Variants in AGBL2 observed in about 807,000 individuals in gnomAD.
AGBL2 encodes the protein AGBL carboxypeptidase 2.
In AGBL2, 87 loss-of-function variants were observed where a neutral mutation model predicts 103.0. That is an observed-to-expected ratio of 0.84 (90% CI 0.71 to 1.01). The LOEUF (loss-of-function observed/expected upper bound fraction) is 1.01. Among genes scored for constraint, AGBL2 ranks in the 50% least tolerant of loss-of-function variants. The pLI is 0.00. For synonymous variants in AGBL2, 335 were observed against 356.7 expected (o/e 0.94, Z 0.69); for missense variants, 904 against 1,023.5 (o/e 0.88, Z 1.59).
Position 47,672,594 on chromosome 11 carries a change from C to T in AGBL2, c.2148-3687G>A, listed in dbSNP as rs185620935. Among the ~76,000 whole-genome samples, 19 of 152,234 alleles carry T rather than the reference C, an allele frequency of 1.2e-4. No individual in the cohort carries two copies. The East Asian group carries it at 1.5e-3, about 12-fold the overall frequency. ...CCTCCCAAAGTGCTAAGACTACAGGCGTGAGCCACTGCATCCAGCCGGCAT... is the reference window on the plus strand; with the variant it reads ...CCTCCCAAAGTGCTAAGACTACAGGTGTGAGCCACTGCATCCAGCCGGCAT... On this transcript the variant is annotated intron_variant, in intron 14 of 18. Transcript: ENST00000525123.
chr11:47,705,987 C>G, intron 4 of AGBL2, 70 bp from the exon 5 acceptor site: 1 of 1,288,446 alleles, frequency 7.8e-7, no homozygotes, highest in East Asian at 2.3e-5. Context: ...TCTGCTATCC[C>G]CATCCCTTCT....
At chr11:47,668,746 G>T in intron 15 of AGBL2, 95 bp downstream of exon 15, 1 of 925,246 alleles carries the variant, frequency 1.1e-6, no homozygotes, top group Non-Finnish European at 1.8e-6. Flanking sequence ...TTTTCTGCAG[G>T]TCTTAGGACT....
intron 18 of AGBL2, among the ~76,000 whole-genome samples, chr11:47,662,643 C>T (rs1254335952): frequency 6.6e-6 from 1 of 152,006 alleles, no homozygotes; most frequent in South Asian, 2.1e-4. Context: ...CAGGCACACA[C>T]CACCATGCCC....
rs776094656 is a variant in AGBL2, at chr11:47,682,997, G to GAAGGA, written c.1789-907_1789-903dup. On this transcript the variant is annotated intron_variant, in intron 11 of 18. Transcript: ENST00000525123. ...AGAGAAGGAAAAGAAGGAAAGAAAA[G>GAAGGA]AAGGAAAGGAAAGGAAAAGAAAGAA... 3.9e-4 allele frequency among the ~76,000 whole-genome samples: 59 copies of GAAGGA among 150,398 alleles called. 1 individual carries two copies. Among genetic ancestry groups the GAAGGA allele is most frequent in the Non-Finnish European group, 5.5e-4 (37 of 67,552 alleles).
intron 4 of AGBL2, among the ~76,000 whole-genome samples, chr11:47,708,353 C>A (rs1399135678): frequency 6.6e-6 from 1 of 150,754 alleles, no homozygotes; most frequent in Non-Finnish European, 1.5e-5. Context: ...CAGGCATGAG[C>A]CACTGTGCCC....
chr11:47,700,426 A>G (rs1157017685), intron 7 of AGBL2, among the ~76,000 whole-genome samples: 1 of 151,940 alleles, frequency 6.6e-6, no homozygotes, highest in Non-Finnish European at 1.5e-5. Flanking sequence ...TAAAAATACA[A>G]AAATTAGCCG....
chr11:47,702,237 TC>T (rs570318032), intron 7 of AGBL2, among the ~76,000 whole-genome samples: 287 of 152,352 alleles, frequency 1.9e-3, no homozygotes, highest in Middle Eastern at 0.014. Flanking sequence ...TGCTCAATGT[TC>T]TATGGTTGCC....
chr11:47,705,342 G>C (rs2097513817), intron 6 of AGBL2, 179 bp downstream of exon 6: 1 of 156,052 alleles, frequency 6.4e-6, no homozygotes, highest in African/African-American at 2.4e-5. Context: ...AAGGCTTTCA[G>C]GAAGATAAAA....
intron 14 of AGBL2, among the ~76,000 whole-genome samples, chr11:47,669,432 G>A (rs2097350615): frequency 6.6e-6 from 1 of 152,118 alleles, no homozygotes; most frequent in Non-Finnish European, 1.5e-5. Context: ...CATTTTGGGA[G>A]GCCAAGGTGG....
intron 12 of AGBL2, among the ~76,000 whole-genome samples, chr11:47,681,624 C>T (rs560598430): frequency 1.4e-3 from 207 of 152,260 alleles, no homozygotes; most frequent in African/African-American, 4.6e-3. Context: ...CGTGCCACCA[C>T]GCCCAGCTAA....
intron 8 of AGBL2, among the ~76,000 whole-genome samples, chr11:47,695,475 CAAAAAAAAA>C: frequency 1.3e-5 from 1 of 76,178 alleles, no homozygotes; most frequent in East Asian, 3.9e-4. Context: ...AACTCTGTCT[CAAAAAAAAA>C]AAAAAAAAAA....
Position 47,680,038 on chromosome 11 carries a change from G to T in AGBL2, c.1951C>A (p.Leu651Met), listed in dbSNP as rs1024196898. 6.2e-7 allele frequency: 1 copy of T among 1,611,312 alleles called. No individual in the cohort carries two copies. The highest frequency in any genetic ancestry group is 2.2e-5 in the East Asian group (1 of 44,806). The stretch of plus-strand genomic sequence containing the variant: ...CAGACATGATAACCTAAGGACTTCA[G>T]ATCTTCGATGGTAAAGTGGGTGTCT... ...KRDTHFTIED[L>M]KSLGYHVCDT... Residue 651 changes from leucine (L) to methionine (M), a missense_variant, in exon 13 of 19, where the codon CTG becomes ATG. Physicochemically the swap from Leu to Met is conservative, Grantham distance 15. Coordinates refer to ENST00000525123, the MANE Select transcript of AGBL2 (RefSeq NM_024783.4).
intron 18 of AGBL2, among the ~76,000 whole-genome samples, chr11:47,661,307 C>T (rs2097327359): frequency 6.6e-6 from 1 of 152,132 alleles, no homozygotes; most frequent in Non-Finnish European, 1.5e-5. Context: ...GTTTTTGCTA[C>T]TCATAGCCTT....
At chr11:47,701,260 G>C (rs1056489108) in intron 7 of AGBL2, among the ~76,000 whole-genome samples, 3 of 151,380 alleles carry the variant, frequency 2.0e-5, no homozygotes, top group African/African-American at 7.3e-5. Flanking sequence ...CATGAGGTCA[G>C]GAGTTCGAGA....
In AGBL2 at chr11:47,674,731, T is replaced by C. The variant is rs562186203; in HGVS notation, c.2147+2540A>G. ...GATATTATCTGATTTAGGTTATTTATTTATTTATTCATTCATTTTTTGAGA... is the reference window on the plus strand; with the variant it reads ...GATATTATCTGATTTAGGTTATTTACTTATTTATTCATTCATTTTTTGAGA... On this transcript the variant is annotated intron_variant, in intron 14 of 18. Transcript: ENST00000525123. Among the ~76,000 whole-genome samples the C allele has an allele frequency of 6.6e-5, 10 of 152,146 alleles. No individual in the cohort carries two copies. The South Asian group carries it at 2.1e-3, about 32-fold the overall frequency.
At chr11:47,692,051 A>T in intron 9 of AGBL2, 52 bp downstream of exon 9, 1 of 1,501,406 alleles carries the variant, frequency 6.7e-7, no homozygotes, top group Non-Finnish European at 9.1e-7. Context: ...TCATTACTGA[A>T]GACACCTTCT....
intron 11 of AGBL2, among the ~76,000 whole-genome samples, chr11:47,684,504 C>T (rs1390421115): frequency 2.0e-5 from 3 of 149,306 alleles, no homozygotes; most frequent in Non-Finnish European, 4.4e-5. Context: ...TGCAGTGAGC[C>T]GAGATCGCGC....
chr11:47,681,441 T>G (rs1295382139), intron 12 of AGBL2, among the ~76,000 whole-genome samples: 1 of 152,166 alleles, frequency 6.6e-6, no homozygotes, highest in African/African-American at 2.4e-5. Context: ...TTCAACCCCC[T>G]ATCTGCCTGA....
intron 10 of AGBL2, among the ~76,000 whole-genome samples, chr11:47,686,447 G>GTTTTTTTTT (rs563969184): frequency 1.9e-5 from 2 of 105,078 alleles, no homozygotes; most frequent in African/African-American, 3.5e-5. Flanking sequence ...TTTGTTTCTG[G>GTTTTTTTTT]TTTTTTTTTT....
Sources: allele counts gnomAD v4.1 joint callset (sites outside exome capture counted in the v4.1 genomes callset), GRCh38; gene constraint gnomAD v4.1.1; transcripts MANE v1.5; gene names NCBI Gene and HGNC (gene_info 2026-07-23, HGNC 2026-07-21).